UBE2V1: variants seen among roughly 807,000 people sequenced by gnomAD.
UBE2V1 encodes the protein ubiquitin conjugating enzyme E2 V1, also known as ubiquitin-conjugating enzyme E2 variant 1.
In UBE2V1, 15 loss-of-function variants were observed where a neutral mutation model predicts 19.6. The ratio of observed to expected loss-of-function variants is 0.77; its 90% CI spans 0.51 to 1.18. The LOEUF is 1.18. Ranked by LOEUF, UBE2V1 falls within the 50% of genes most tolerant of loss-of-function variation. The probability of loss-of-function intolerance (pLI) is 0.00; values close to 1 mark genes in which losing one functional copy is unlikely to be tolerated. For synonymous variants in UBE2V1, 60 were observed against 60.7 expected (o/e 0.99, Z 0.05); for missense variants, 125 against 184.8 (o/e 0.68, Z 1.88).
chr20:50,115,892 T>G, upstream of UBE2V1: 1 of 235,796 alleles, frequency 4.2e-6, no homozygotes, highest in Admixed American at 5.6e-5. Context: ...GTAGGAAACT[T>G]CTTGCAAGTA....
chr20:50,096,864 G>A (rs746319693), intron 1 of UBE2V1, 44 bp from the exon 2 acceptor site: 15 of 1,611,612 alleles, frequency 9.3e-6, no homozygotes, highest in Non-Finnish European at 1.3e-5. Context: ...CAACTCCAGG[G>A]GAACTTGTAA....
At chr20:50,106,630 A>T (rs1374900289) in intron 1 of UBE2V1, among the ~76,000 whole-genome samples, 1 of 152,092 alleles carries the variant, frequency 6.6e-6, no homozygotes, top group African/African-American at 2.4e-5. Context: ...CGGGAGTTCG[A>T]GAACAGCCTG....
Position 50,082,658 on chromosome 20 carries a change from G to C in UBE2V1, c.*110C>G. 6.7e-7 allele frequency: 1 copy of C among 1,490,728 alleles called. No homozygotes were observed. The highest frequency in any genetic ancestry group is 8.9e-7 in the Non-Finnish European group (1 of 1,127,928). 92.3% of individuals were successfully genotyped at this position (1,490,728 alleles called of 1,614,324 possible). A position where few individuals can be genotyped will look rare whatever the true frequency, so the allele number is the denominator to read the frequency against. On this transcript the variant is annotated 3_prime_UTR_variant, in exon 4 of 4. Transcript: ENST00000371674. ...TCCTTTGAATGGGAGCTTCCTTTCC[G>C]GTACTTTGAGGTCTACAAGACGTAT...
intron 1 of UBE2V1, among the ~76,000 whole-genome samples, chr20:50,099,758 C>A (rs149769413): frequency 8.5e-5 from 13 of 152,160 alleles, no homozygotes; most frequent in Non-Finnish European, 1.6e-4. Flanking sequence ...TCTCACTTAA[C>A]GGCATTCCTT....
intron 2 of UBE2V1, chr20:50,095,772 A>G (rs1236022298): frequency 6.6e-6 from 1 of 152,268 alleles, no homozygotes; most frequent in Non-Finnish European, 1.5e-5. Flanking sequence ...CAGTATGGAA[A>G]TCAATTTCTT....
chr20:50,113,778 C>A (rs6125907), upstream of UBE2V1, among the ~76,000 whole-genome samples: 10,345 of 119,106 alleles, frequency 0.087, 399 homozygotes, highest in Middle Eastern at 0.13. Flanking sequence ...TTCATTCATT[C>A]ATTCATTCAT....
chr20:50,098,814 T>A, intron 1 of UBE2V1: 1 of 607,168 alleles, frequency 1.6e-6, no homozygotes, highest in South Asian at 7.3e-5. Flanking sequence ...GTCAGTTGAT[T>A]ACAAGAAAAA....
chr20:50,085,318 C>T (rs1025214956), intron 2 of UBE2V1, among the ~76,000 whole-genome samples: 4 of 152,126 alleles, frequency 2.6e-5, no homozygotes, highest in South Asian at 2.1e-4. Flanking sequence ...CTCTGTTGCC[C>T]GGCTGTTCCT....
intron 1 of UBE2V1, 29 bp from the exon 2 acceptor site, chr20:50,096,849 A>C: frequency 6.2e-7 from 1 of 1,613,250 alleles, no homozygotes; most frequent in East Asian, 2.2e-5. Context: ...AATTCAAGAT[A>C]CCAGCAACTC....
At chr20:50,113,321 G>C (rs2080904059), upstream of UBE2V1, 4 of 412,238 alleles carry the variant, frequency 9.7e-6, no homozygotes, top group South Asian at 3.6e-4. Context: ...GTGCTCGAGG[G>C]CCCAGCAACC....
chr20:50,112,954 C>T (rs1191716051), intron 1 of UBE2V1, among the ~76,000 whole-genome samples, 153 bp downstream of exon 1: 1 of 152,284 alleles, frequency 6.6e-6, no homozygotes, highest in East Asian at 1.9e-4. Context: ...TGCTCCTCCT[C>T]CCCCGGTCAG....
intron 2 of UBE2V1, among the ~76,000 whole-genome samples, chr20:50,091,699 C>T (rs2079240527): frequency 6.6e-6 from 1 of 152,002 alleles, no homozygotes; most frequent in Non-Finnish European, 1.5e-5. Context: ...CGCCTCAAAG[C>T]TTTTAAAAAA....
intron 1 of UBE2V1, among the ~76,000 whole-genome samples, chr20:50,104,009 C>T (rs971258505): frequency 2.6e-5 from 4 of 151,634 alleles, no homozygotes; most frequent in Admixed American, 6.6e-5. Context: ...TCAGGCCAGG[C>T]GTGGTGGCTC....
At chr20:50,096,845 A>G in intron 1 of UBE2V1, 25 bp from the exon 2 acceptor site, 2 of 1,613,358 alleles carry the variant, frequency 1.2e-6, no homozygotes, top group Non-Finnish European at 1.7e-6. Flanking sequence ...AAGAAATTCA[A>G]GATACCAGCA....
chr20:50,090,160 T>C (rs35067340), intron 2 of UBE2V1, among the ~76,000 whole-genome samples: 1,972 of 152,340 alleles, frequency 0.013, 21 homozygotes, highest in South Asian at 0.032. Context: ...CAACATCTAT[T>C]TGATCAACTT....
chr20:50,091,106 G>C (rs1389726427), intron 2 of UBE2V1, among the ~76,000 whole-genome samples: 2 of 152,092 alleles, frequency 1.3e-5, no homozygotes, highest in Admixed American at 6.6e-5. Flanking sequence ...GAGTCCAGTG[G>C]TATGATCTTG....
rs752098899 is a variant in UBE2V1, at chr20:50,113,114, C to G, written c.15G>C (p.Thr5=). 165 of 1,358,666 alleles carry G rather than the reference C, an allele frequency of 1.2e-4. No individual in the cohort carries two copies. Among genetic ancestry groups the G allele is most frequent in the Non-Finnish European group, 1.5e-4 (157 of 1,037,552 alleles). The allele number at this position is 1,358,666 out of a possible 1,614,324, so 84.2% of individuals were successfully genotyped here. A position where few individuals can be genotyped will look rare whatever the true frequency, so the allele number is the denominator to read the frequency against. ...CCCGGCGCCCCCGCTCACCCGAGCC[C>G]GTGGTGGCTGCCATCTTGCGTCGCT... The part of the protein sequence containing the change: MAAT[T]GSGVKVPRNF... Residue 5 remains threonine, a synonymous_variant, in exon 1 of 4, where the codon ACG becomes ACC. Coordinates refer to ENST00000371674, the MANE Select transcript of UBE2V1 (RefSeq NM_001032288.3).
chr20:50,086,963 G>C (rs1160996867), intron 2 of UBE2V1, among the ~76,000 whole-genome samples: 1 of 152,188 alleles, frequency 6.6e-6, no homozygotes, highest in African/African-American at 2.4e-5. Flanking sequence ...TATAGTCCCA[G>C]CTACTTGTGA....
chr20:50,098,492 T>A (rs993794439), intron 1 of UBE2V1, among the ~76,000 whole-genome samples: 1 of 152,206 alleles, frequency 6.6e-6, no homozygotes, highest in Admixed American at 6.5e-5. Context: ...ACCAGGGTGA[T>A]AGCAGGAAAG....
Sources: gnomAD v4.1 joint callset for allele counts (sites outside exome capture counted in the v4.1 genomes callset) on GRCh38, gnomAD v4.1.1 for gene constraint, MANE v1.5 for transcripts, NCBI Gene and HGNC (gene_info 2026-07-23, HGNC 2026-07-21) for gene names.